Variants in LPAR3 observed in about 807,000 individuals in gnomAD.
The protein encoded by LPAR3 is lysophosphatidic acid receptor 3, also known as LPA receptor 3.
In LPAR3, 7 loss-of-function variants were observed where a neutral mutation model predicts 17.8. The ratio of observed to expected loss-of-function variants is 0.39; its 90% CI spans 0.22 to 0.74. The LOEUF (loss-of-function observed/expected upper bound fraction) is 0.74, where lower values mean the gene tolerates loss of function less well. Ranked by LOEUF, LPAR3 falls within the 30% of genes least tolerant of loss-of-function variation. The pLI, the probability that LPAR3 is intolerant of heterozygous loss-of-function variation, is 0.40. For synonymous variants in LPAR3, 179 were observed against 179.9 expected (o/e 0.99, Z 0.04); for missense variants, 391 against 453.4 (o/e 0.86, Z 1.25).
intron 2 of LPAR3, among the ~76,000 whole-genome samples, chr1:84,850,381 ACT>A (rs1289347036): frequency 1.5e-5 from 2 of 135,640 alleles, no homozygotes; most frequent in Non-Finnish European, 3.1e-5. Context: ...ACATGGTGAA[ACT>A]CTGTCTCTAC....
At chr1:84,831,508 T>C (rs1166676748) in intron 2 of LPAR3, among the ~76,000 whole-genome samples, 1 of 148,410 alleles carries the variant, frequency 6.7e-6, no homozygotes, top group Non-Finnish European at 1.5e-5. Flanking sequence ...CTACCCTCTT[T>C]ACATTGCATT....
At chr1:84,814,775 A>T (rs898472057) in intron 2 of LPAR3, among the ~76,000 whole-genome samples, 5 of 152,212 alleles carry the variant, frequency 3.3e-5, no homozygotes, top group Non-Finnish European at 7.3e-5. Context: ...ATTCTTTTTG[A>T]CATATTCACG....
chr1:84,835,487 TTTATC>T (rs1194750460), intron 2 of LPAR3, among the ~76,000 whole-genome samples: 1 of 152,124 alleles, frequency 6.6e-6, no homozygotes, highest in Non-Finnish European at 1.5e-5. Flanking sequence ...GTGTGTGTGT[TTTATC>T]TAAACAATGA....
At chr1:84,872,749 C>T (rs1660179600) in intron 1 of LPAR3, among the ~76,000 whole-genome samples, 1 of 152,090 alleles carries the variant, frequency 6.6e-6, no homozygotes, top group Non-Finnish European at 1.5e-5. Flanking sequence ...GACCTCCTTC[C>T]AAAGAGCACA....
intron 1 of LPAR3, among the ~76,000 whole-genome samples, chr1:84,879,884 C>T (rs374589808): frequency 1.3e-5 from 2 of 152,282 alleles, no homozygotes; most frequent in African/African-American, 4.8e-5. Flanking sequence ...CAGGGAAAAG[C>T]CTTTGGGCAG....
rs555843600 is a variant in LPAR3, at chr1:84,840,400, A to G, written c.736+24985T>C. ...ATCATCACCCCAAAATTTGTTACAAAGCATCAAATATCTAGCTTAAGGATT... is the reference window on the plus strand; with the variant it reads ...ATCATCACCCCAAAATTTGTTACAAGGCATCAAATATCTAGCTTAAGGATT... On this transcript the variant is annotated intron_variant, in intron 2 of 2. Transcript: ENST00000370611. 8.5e-5 allele frequency among the ~76,000 whole-genome samples: 13 copies of G among 152,364 alleles called. No homozygotes were observed. The South Asian group carries it at 2.7e-3, about 32-fold the overall frequency.
intron 2 of LPAR3, among the ~76,000 whole-genome samples, chr1:84,851,619 A>G (rs1659713963): frequency 6.6e-6 from 1 of 152,226 alleles, no homozygotes; most frequent in African/African-American, 2.4e-5. Flanking sequence ...GTCAGAGAAA[A>G]TATCATAGAG....
In LPAR3 at chr1:84,841,541, G is replaced by A. The variant is rs114303670; in HGVS notation, c.736+23844C>T. The stretch of plus-strand genomic sequence containing the variant: ...TTAATGTTACAACTTCATGTTTTGA[G>A]ATTAAAATCGACACCTTCTATTCAA... On this transcript the variant is annotated intron_variant, in intron 2 of 2. Transcript: ENST00000370611. Among the ~76,000 whole-genome samples, 599 of 152,148 alleles carry A rather than the reference G, an allele frequency of 3.9e-3. 2 individuals are homozygous for A. The highest frequency in any genetic ancestry group is 0.014 in the African/African-American group (566 of 41,492).
At chr1:84,866,516 T>C (rs983032497) in intron 1 of LPAR3, among the ~76,000 whole-genome samples, 5 of 152,200 alleles carry the variant, frequency 3.3e-5, no homozygotes, top group Admixed American at 3.3e-4. Context: ...GCAAATGTGC[T>C]GAGCCCTGCA....
At chr1:84,870,865 G>C (rs576689878) in intron 1 of LPAR3, among the ~76,000 whole-genome samples, 128 of 152,136 alleles carry the variant, frequency 8.4e-4, no homozygotes, top group Non-Finnish European at 1.4e-3. Context: ...ACAGAACCAA[G>C]GACTATATTT....
chr1:84,880,108 T>C (rs1232510237), intron 1 of LPAR3, among the ~76,000 whole-genome samples: 1 of 151,938 alleles, frequency 6.6e-6, no homozygotes, highest in Non-Finnish European at 1.5e-5. Context: ...GGTGGGAGGA[T>C]TGCCTGAGGT....
intron 2 of LPAR3, among the ~76,000 whole-genome samples, 158 bp from the exon 3 acceptor site, chr1:84,814,329 A>G (rs1373289630): frequency 6.6e-6 from 1 of 152,174 alleles, no homozygotes; most frequent in Non-Finnish European, 1.5e-5. Context: ...AGCATTTGAG[A>G]CCTACGCTTG....
intron 2 of LPAR3, among the ~76,000 whole-genome samples, chr1:84,861,420 C>T (rs1238930641): frequency 6.6e-6 from 1 of 152,180 alleles, no homozygotes; most frequent in Non-Finnish European, 1.5e-5. Flanking sequence ...CAATCTCTCT[C>T]TCCCTCTCTC....
At chr1:84,822,687 C>T (rs1411036584) in intron 2 of LPAR3, among the ~76,000 whole-genome samples, 1 of 152,150 alleles carries the variant, frequency 6.6e-6, no homozygotes, top group Non-Finnish European at 1.5e-5. Context: ...TTCACTGGAA[C>T]GTATTTAAGA....
At chr1:84,866,872 A>G (rs1660060867) in intron 1 of LPAR3, among the ~76,000 whole-genome samples, 2 of 152,120 alleles carry the variant, frequency 1.3e-5, no homozygotes, top group African/African-American at 4.8e-5. Flanking sequence ...CTTCTTCCTT[A>G]TAGTCTCCTA....
At chr1:84,871,436 C>A (rs563275328) in intron 1 of LPAR3, among the ~76,000 whole-genome samples, 3 of 152,196 alleles carry the variant, frequency 2.0e-5, no homozygotes, top group Non-Finnish European at 2.9e-5. Flanking sequence ...TCTTATGAGA[C>A]AAGTTGCTGC....
rs368553091 is a variant in LPAR3, at chr1:84,871,111, C to T, written c.-18-4973G>A. On this transcript the variant is annotated intron_variant, in intron 1 of 2. Transcript: ENST00000370611. ...TTGCTCAACTTTACTTCTGTCAAAT[C>T]CCAAGCTGTTTTTTGTTTGTTTGTT... Among the ~76,000 whole-genome samples the T allele has an allele frequency of 1.1e-4, 17 of 151,990 alleles. No individual in the cohort carries two copies. The South Asian group carries it at 3.5e-3, about 32-fold the overall frequency.
intron 1 of LPAR3, among the ~76,000 whole-genome samples, chr1:84,873,758 G>T (rs2008883): frequency 0.1 from 14,681 of 141,338 alleles, 793 homozygotes; most frequent in Non-Finnish European, 0.12. Context: ...TTGCTTGTTT[G>T]TTTTTTTTTT....
chr1:84,839,200 C>T (rs1659461371), intron 2 of LPAR3, among the ~76,000 whole-genome samples: 1 of 152,216 alleles, frequency 6.6e-6, no homozygotes. Context: ...AAGTCTGGAT[C>T]ATATGCATCT....
Sources: gnomAD v4.1 joint callset for allele counts (sites outside exome capture counted in the v4.1 genomes callset) on GRCh38, gnomAD v4.1.1 for gene constraint, MANE v1.5 for transcripts, NCBI Gene and HGNC (gene_info 2026-07-23, HGNC 2026-07-21) for gene names.